GAB2: variants seen among roughly 807,000 people sequenced by gnomAD.
GAB2 encodes the protein GRB2 associated binding protein 2.
A neutral mutation model predicts 65.5 loss-of-function variants in GAB2; 26 were observed. The ratio of observed to expected loss-of-function variants is 0.40; its 90% CI spans 0.29 to 0.55. The LOEUF (loss-of-function observed/expected upper bound fraction) is 0.55. Ranked by LOEUF, GAB2 falls within the 20% of genes least tolerant of loss-of-function variation. GAB2 has a pLI of 0.53. For synonymous variants in GAB2, 321 were observed against 329.6 expected (o/e 0.97, Z 0.28); for missense variants, 884 against 875.8 (o/e 1.01, Z -0.12).
intron 2 of GAB2, among the ~76,000 whole-genome samples, chr11:78,257,932 C>G (rs1047802144): frequency 1.3e-5 from 2 of 152,094 alleles, no homozygotes; most frequent in Non-Finnish European, 2.9e-5. Context: ...GTCTCCAAAG[C>G]CAATTCTTTT....
At chr11:78,344,140 A>G (rs1856144097) in intron 1 of GAB2, among the ~76,000 whole-genome samples, 1 of 152,212 alleles carries the variant, frequency 6.6e-6, no homozygotes, top group African/African-American at 2.4e-5. Flanking sequence ...AGCAAAATTA[A>G]AAAGGGTTTT....
chr11:78,263,494 A>G (rs373243368), intron 2 of GAB2, among the ~76,000 whole-genome samples: 1 of 152,140 alleles, frequency 6.6e-6, no homozygotes, highest in South Asian at 2.1e-4. Flanking sequence ...TTAGCTGGGC[A>G]TGGTGGTGGG....
intron 1 of GAB2, among the ~76,000 whole-genome samples, chr11:78,410,272 A>G (rs944686365): frequency 3.2e-4 from 49 of 152,316 alleles, no homozygotes; most frequent in African/African-American, 1.2e-3. Context: ...GGGAGGCCAA[A>G]GCAGGCAGAT....
rs1450519628 is a variant in GAB2, at chr11:78,218,195, ACCCCACTGCAGAGT to A, written c.*1063_*1076del. 6.5e-6 allele frequency: 1 copy of A among 152,990 alleles called. No homozygotes were observed. The highest frequency in any genetic ancestry group is 1.5e-5 in the Non-Finnish European group (1 of 68,874). 9.5% of individuals were successfully genotyped at this position (152,990 alleles called of 1,614,324 possible). ...TCACTGCAAAGAAACTCACTTCCCG[ACCCCACTGCAGAGT>A]CCCCTGCACTGCCCTGTGCCTCTGC... On this transcript the variant is annotated 3_prime_UTR_variant, in exon 10 of 10. Transcript: ENST00000361507.
intron 2 of GAB2, among the ~76,000 whole-genome samples, chr11:78,262,248 G>A (rs866220081): frequency 1.3e-5 from 2 of 152,186 alleles, no homozygotes; most frequent in African/African-American, 2.4e-5. Flanking sequence ...GAACATGCAC[G>A]TTGGAGTCCG....
chr11:78,355,959 G>A (rs899422743), intron 1 of GAB2, among the ~76,000 whole-genome samples: 5 of 151,790 alleles, frequency 3.3e-5, no homozygotes, highest in African/African-American at 1.2e-4. Flanking sequence ...GATCACTTGA[G>A]GTCAGGAGTT....
At chr11:78,311,112 A>T (rs1482952851) in intron 1 of GAB2, among the ~76,000 whole-genome samples, 1 of 152,218 alleles carries the variant, frequency 6.6e-6, no homozygotes. Context: ...TCTAGTGGGG[A>T]AGCTAAAATA....
At position 78,417,606 on chromosome 11, in the gene GAB2, C is replaced by G. The variant is rs1307672485; in HGVS notation, c.75+40G>C. 3.4e-6 allele frequency: 4 copies of G among 1,164,846 alleles called. No homozygotes were observed. In the African/African-American group the frequency reaches 5.0e-5, roughly 14 times the overall value. The allele number at this position is 1,164,846 out of a possible 1,614,324, so 72.2% of individuals were successfully genotyped here. A position where few individuals can be genotyped will look rare whatever the true frequency, so the allele number is the denominator to read the frequency against. On this transcript the variant is annotated intron_variant, in intron 1 of 9. Coordinates refer to ENST00000361507, the MANE Select transcript of GAB2 (RefSeq NM_080491.3). ...CCCCGCCCCTCCGCAGGCCCCGGAG[C>G]GCCCCCCGCCCGCCCCTGGGCGGCC...
chr11:78,316,785 T>C (rs1855616011), intron 1 of GAB2, among the ~76,000 whole-genome samples: 2 of 152,188 alleles, frequency 1.3e-5, no homozygotes, highest in Non-Finnish European at 2.9e-5. Context: ...TACTTTTGGA[T>C]ACAGACCCCA....
intron 1 of GAB2, among the ~76,000 whole-genome samples, chr11:78,359,685 A>C (rs1399107920): frequency 6.6e-6 from 1 of 152,210 alleles, no homozygotes; most frequent in Non-Finnish European, 1.5e-5. Flanking sequence ...TAAAACAAGA[A>C]TATTATTTTA....
intron 1 of GAB2, among the ~76,000 whole-genome samples, chr11:78,415,166 C>A (rs1249988884): frequency 1.3e-5 from 2 of 152,236 alleles, no homozygotes; most frequent in African/African-American, 2.4e-5. Flanking sequence ...GCCACTGCGC[C>A]CAGACTTCAA....
intron 3 of GAB2, among the ~76,000 whole-genome samples, chr11:78,243,165 A>G (rs1001974306): frequency 4.1e-5 from 6 of 146,462 alleles, no homozygotes; most frequent in Non-Finnish European, 7.6e-5. Flanking sequence ...CTCTGTCTAG[A>G]AAAAAAAAAA....
Position 78,216,103 on chromosome 11 carries a change from C to G in GAB2, c.*3169G>C, listed in dbSNP as rs560319789. The G allele has an allele frequency of 1.3e-5, 2 of 152,820 alleles. No homozygotes were observed. Among genetic ancestry groups the G allele is most frequent in the African/African-American group, 4.8e-5 (2 of 41,584 alleles). The allele number at this position is 152,820 out of a possible 1,614,324, so 9.5% of individuals were successfully genotyped here. ...AGGAGGGAGTCTCCCCTTCAAGCAGCTGAGCACCAGCTGTGGATGGGACCT... is the reference window on the plus strand; with the variant it reads ...AGGAGGGAGTCTCCCCTTCAAGCAGGTGAGCACCAGCTGTGGATGGGACCT... On this transcript the variant is annotated 3_prime_UTR_variant, in exon 10 of 10. Coordinates refer to ENST00000361507, the MANE Select transcript of GAB2 (RefSeq NM_080491.3).
intron 3 of GAB2, 30 bp downstream of exon 3, chr11:78,250,127 A>G (rs1207472910): frequency 4.3e-6 from 7 of 1,610,046 alleles, no homozygotes; most frequent in Non-Finnish European, 5.9e-6. Context: ...GCGGTCACTA[A>G]CCCACCTAAT....
chr11:78,395,937 GC>G (rs1404810356), intron 1 of GAB2, among the ~76,000 whole-genome samples: 3 of 152,190 alleles, frequency 2.0e-5, no homozygotes, highest in Non-Finnish European at 4.4e-5. Context: ...GATCTGCAAA[GC>G]CAGTACACAT....
chr11:78,382,970 T>C (rs1371864105), intron 1 of GAB2, among the ~76,000 whole-genome samples: 2 of 152,218 alleles, frequency 1.3e-5, no homozygotes, highest in Admixed American at 6.5e-5. Context: ...ATCCTTTGTC[T>C]GACTTTAGAA....
rs200739407 is a variant in GAB2, at chr11:78,382,342, G to GC, written c.75+35303dup. On this transcript the variant is annotated intron_variant, in intron 1 of 9. Coordinates refer to ENST00000361507, the MANE Select transcript of GAB2 (RefSeq NM_080491.3). Reference sequence around the variant, plus strand: ...CTCAATAAAAGCCTACAATTCCTTGGCCCCCCCTTCTGCTGGAGCAATATT... The same window carrying GC: ...CTCAATAAAAGCCTACAATTCCTTGGCCCCCCCCTTCTGCTGGAGCAATATT... Among the ~76,000 whole-genome samples, 628 of 151,482 alleles carry GC rather than the reference G, an allele frequency of 4.1e-3. 2 individuals carry two copies. The highest frequency in any genetic ancestry group is 0.015 in the African/African-American group (599 of 41,282).
At chr11:78,311,525 G>T (rs528099168) in intron 1 of GAB2, among the ~76,000 whole-genome samples, 23 of 152,032 alleles carry the variant, frequency 1.5e-4, no homozygotes, top group African/African-American at 5.1e-4. Flanking sequence ...ATTTGAACTG[G>T]GCTTCAAACA....
intron 2 of GAB2, among the ~76,000 whole-genome samples, chr11:78,266,583 C>G (rs1865881883): frequency 6.6e-6 from 1 of 152,208 alleles, no homozygotes; most frequent in Non-Finnish European, 1.5e-5. Flanking sequence ...AATATTTTCA[C>G]ACTTGAGGTT....
Sources: gnomAD v4.1 joint callset for allele counts (sites outside exome capture counted in the v4.1 genomes callset) on GRCh38, gnomAD v4.1.1 for gene constraint, MANE v1.5 for transcripts, NCBI Gene and HGNC (gene_info 2026-07-23, HGNC 2026-07-21) for gene names.